Variants in GIPC2 observed in about 807,000 individuals in gnomAD.
The protein encoded by GIPC2 is GIPC PDZ domain containing family member 2.
Under a neutral mutation model 30.6 loss-of-function variants are expected in GIPC2, and 30 were observed. The observed-to-expected ratio is 0.98, with a 90% CI of 0.73 to 1.33. GIPC2 has a LOEUF of 1.33. GIPC2 is among the 40% of genes most tolerant of loss of function. GIPC2 has a pLI of 0.00. For synonymous variants in GIPC2, 167 were observed against 150.0 expected (o/e 1.11, Z -0.83); for missense variants, 414 against 390.3 (o/e 1.06, Z -0.51).
chr1:78,132,438 G>A (rs906424821), intron 5 of GIPC2, among the ~76,000 whole-genome samples: 4 of 152,138 alleles, frequency 2.6e-5, no homozygotes, highest in Non-Finnish European at 4.4e-5. Context: ...GTGCATGAGC[G>A]AGATTATGCA....
chr1:78,096,491 GT>G (rs200429118), intron 3 of GIPC2, among the ~76,000 whole-genome samples: 5,650 of 135,428 alleles, frequency 0.042, 217 homozygotes, highest in African/African-American at 0.1. Flanking sequence ...AAATTTTTCT[GT>G]TTTTTTTTTT....
intron 5 of GIPC2, among the ~76,000 whole-genome samples, chr1:78,130,990 A>G (rs1207238204): frequency 6.6e-6 from 1 of 152,076 alleles, no homozygotes; most frequent in Non-Finnish European, 1.5e-5. Context: ...GGTAAAAAAA[A>G]ATTCTCTTTA....
At chr1:78,106,803 C>T (rs991229838) in intron 3 of GIPC2, among the ~76,000 whole-genome samples, 1 of 152,158 alleles carries the variant, frequency 6.6e-6, no homozygotes, top group East Asian at 2.0e-4. Context: ...GCTTCAGCCT[C>T]CCAAGTAGCT....
At chr1:78,112,800 A>G (rs1349113023) in intron 3 of GIPC2, among the ~76,000 whole-genome samples, 2 of 152,118 alleles carry the variant, frequency 1.3e-5, no homozygotes, top group Non-Finnish European at 2.9e-5. Flanking sequence ...AATAGCAAAA[A>G]CTAGGGGTTT....
chr1:78,048,429 T>C (rs982007953), intron 1 of GIPC2, among the ~76,000 whole-genome samples: 1 of 151,954 alleles, frequency 6.6e-6, no homozygotes, highest in South Asian at 2.1e-4. Context: ...TGTTTTTCTT[T>C]TCTTTTTTTT....
At chr1:78,124,792 G>A (rs1662751697) in intron 4 of GIPC2, among the ~76,000 whole-genome samples, 1 of 152,142 alleles carries the variant, frequency 6.6e-6, no homozygotes, top group Non-Finnish European at 1.5e-5. Context: ...GATCACTTGA[G>A]TCCAGGAATT....
At chr1:78,098,904 A>G (rs1272942773) in intron 3 of GIPC2, among the ~76,000 whole-genome samples, 2 of 152,154 alleles carry the variant, frequency 1.3e-5, no homozygotes, top group Admixed American at 1.3e-4. Context: ...TTGATCCTGA[A>G]CTTCTGGCCT....
intron 3 of GIPC2, among the ~76,000 whole-genome samples, chr1:78,100,765 A>G (rs1662229743): frequency 6.6e-6 from 1 of 151,888 alleles, no homozygotes; most frequent in African/African-American, 2.4e-5. Context: ...CCCTGTCTCT[A>G]CTAAAAATAC....
chr1:78,121,519 A>C (rs79487147), intron 4 of GIPC2, among the ~76,000 whole-genome samples: 1,789 of 152,194 alleles, frequency 0.012, 41 homozygotes, highest in African/African-American at 0.041. Context: ...CACTTAAGGA[A>C]CACATGAGGC....
chr1:78,050,215 A>G (rs550629877), intron 1 of GIPC2, among the ~76,000 whole-genome samples: 14 of 152,278 alleles, frequency 9.2e-5, no homozygotes, highest in African/African-American at 2.4e-4. Context: ...AGTCTATTAC[A>G]TAGCAGCTGT....
chr1:78,078,837 G>A (rs1418167628), intron 1 of GIPC2, among the ~76,000 whole-genome samples: 2 of 122,830 alleles, frequency 1.6e-5, no homozygotes, highest in Admixed American at 8.7e-5. Flanking sequence ...CAGATTCACC[G>A]GAAAAAAAAA....
intron 1 of GIPC2, among the ~76,000 whole-genome samples, chr1:78,078,950 C>T (rs1661772851): frequency 6.6e-6 from 1 of 152,028 alleles, no homozygotes; most frequent in Non-Finnish European, 1.5e-5. Flanking sequence ...TACACATACT[C>T]CCTTCTCCCT....
chr1:78,109,425 T>C (rs1056666327), intron 3 of GIPC2, among the ~76,000 whole-genome samples: 4 of 152,194 alleles, frequency 2.6e-5, no homozygotes, highest in African/African-American at 9.7e-5. Flanking sequence ...TTTAATAGAA[T>C]GCAAAATGAG....
At position 78,135,995 on chromosome 1, in the gene GIPC2, A is replaced by G; in HGVS notation, c.*252A>G. On this transcript the variant is annotated 3_prime_UTR_variant, in exon 6 of 6. Transcript: ENST00000370759. ...AATATTCATTCAAAAGGTTTTTAAA[A>G]GTAAGTTTTAAGGAGTATTTCTCGA... is the stretch of plus-strand genomic sequence containing the variant. 1 of 304,908 alleles carries G rather than the reference A, an allele frequency of 3.3e-6. No individual in the cohort carries two copies. The highest frequency in any genetic ancestry group is 5.9e-6 in the Non-Finnish European group (1 of 169,742). 18.9% of individuals were successfully genotyped at this position (304,908 alleles called of 1,614,324 possible).
chr1:78,135,528 C>A, intron 5 of GIPC2, 64 bp from the exon 6 acceptor site: 2 of 948,788 alleles, frequency 2.1e-6, no homozygotes, highest in East Asian at 2.7e-5. Context: ...TTCCTGTTGC[C>A]ATTTTTCTCA....
At position 78,046,004 on chromosome 1, in the gene GIPC2, T is replaced by G; in HGVS notation, c.-91T>G. On this transcript the variant is annotated 5_prime_UTR_variant, in exon 1 of 6. Transcript: ENST00000370759. ...GCTGCCATTGGAGGCTGCTTTTACC[T>G]GCGCGGGGCCCGGGGCGCAAAGTCC... 1.4e-6 allele frequency: 2 copies of G among 1,393,102 alleles called. No homozygotes were observed. The highest frequency in any genetic ancestry group is 1.9e-6 in the Non-Finnish European group (2 of 1,076,442). 86.3% of individuals were successfully genotyped at this position (1,393,102 alleles called of 1,614,324 possible). A position where few individuals can be genotyped will look rare whatever the true frequency, so the allele number is the denominator to read the frequency against.
At chr1:78,122,791 G>T (rs1571525595) in intron 4 of GIPC2, among the ~76,000 whole-genome samples, 1 of 152,314 alleles carries the variant, frequency 6.6e-6, no homozygotes, top group Middle Eastern at 3.4e-3. Flanking sequence ...GACAGGCACA[G>T]TCTAAGTGCT....
intron 1 of GIPC2, among the ~76,000 whole-genome samples, chr1:78,072,808 CTTA>C (rs1215759180): frequency 4.0e-5 from 6 of 151,794 alleles, no homozygotes; most frequent in African/African-American, 1.2e-4. Context: ...TCTTTTCTCT[CTTA>C]TTATTATTTT....
intron 1 of GIPC2, among the ~76,000 whole-genome samples, chr1:78,076,421 G>A (rs1661717718): frequency 6.6e-6 from 1 of 152,176 alleles, no homozygotes; most frequent in South Asian, 2.1e-4. Flanking sequence ...TTTCATGGAA[G>A]ACAGTTTTTC....
Sources: gnomAD v4.1 joint callset for allele counts (sites outside exome capture counted in the v4.1 genomes callset) on GRCh38, gnomAD v4.1.1 for gene constraint, MANE v1.5 for transcripts, NCBI Gene and HGNC (gene_info 2026-07-23, HGNC 2026-07-21) for gene names.